The following FGGY variants were observed in gnomAD, a reference collection of about 807,000 sequenced individuals.
FGGY encodes the protein FGGY carbohydrate kinase domain-containing protein.
In FGGY, 72 loss-of-function variants were observed where a neutral mutation model predicts 71.3. That is an observed-to-expected ratio of 1.01 (90% CI 0.84 to 1.23). FGGY has a LOEUF of 1.23. Ranked by LOEUF, FGGY falls within the 50% of genes most tolerant of loss-of-function variation. The pLI, the probability that FGGY is intolerant of heterozygous loss-of-function variation, is 0.00. For missense variants in FGGY, 668 were observed against 682.3 expected (o/e 0.98, Z 0.23); for synonymous variants, 251 against 250.3 (o/e 1.00, Z -0.02).
intron 10 of FGGY, among the ~76,000 whole-genome samples, chr1:59,635,411 A>T (rs866052546): frequency 3.2e-4 from 48 of 152,156 alleles, no homozygotes; most frequent in African/African-American, 1.1e-3. Context: ...GTTTGCAAAG[A>T]CCTGCAGTAA....
chr1:59,411,534 T>G (rs1388340067), intron 5 of FGGY, among the ~76,000 whole-genome samples: 1 of 152,244 alleles, frequency 6.6e-6, no homozygotes, highest in Non-Finnish European at 1.5e-5. Context: ...TAGCAACTAT[T>G]GTAAATTCTT....
chr1:59,364,109 G>A (rs1380610327), intron 4 of FGGY, among the ~76,000 whole-genome samples: 8 of 152,208 alleles, frequency 5.3e-5, no homozygotes, highest in African/African-American at 1.7e-4. Context: ...GGACATCTGT[G>A]TGAGCCAGCT....
At chr1:59,451,040 T>C (rs2072576736) in intron 5 of FGGY, among the ~76,000 whole-genome samples, 1 of 152,102 alleles carries the variant, frequency 6.6e-6, no homozygotes, top group African/African-American at 2.4e-5. Context: ...ATTGACCTTA[T>C]TTGTTCCATC....
chr1:59,707,987 C>T (rs1273297788), intron 14 of FGGY, among the ~76,000 whole-genome samples: 1 of 152,114 alleles, frequency 6.6e-6, no homozygotes, highest in African/African-American at 2.4e-5. Context: ...GTCATCTAGT[C>T]CAATGCATTT....
At chr1:59,378,196 A>AATT (rs143954971) in intron 4 of FGGY, among the ~76,000 whole-genome samples, 1 of 152,208 alleles carries the variant, frequency 6.6e-6, no homozygotes, top group Non-Finnish European at 1.5e-5. Context: ...TTTCATCTTC[A>AATT]ATTGTAGCTC....
chr1:59,339,723 A>G (rs1323418865), intron 2 of FGGY, among the ~76,000 whole-genome samples: 1 of 143,536 alleles, frequency 7.0e-6, no homozygotes, highest in Non-Finnish European at 1.5e-5. Context: ...TCGGCCTCCC[A>G]AAGTGCTGGG....
At chr1:59,299,265 G>A (rs1268349747) in intron 1 of FGGY, among the ~76,000 whole-genome samples, 1 of 152,192 alleles carries the variant, frequency 6.6e-6, no homozygotes, top group African/African-American at 2.4e-5. Context: ...GGATGGCTGT[G>A]CAGGAAAGGA....
chr1:59,593,703 A>C (rs2096485397), intron 8 of FGGY, among the ~76,000 whole-genome samples: 1 of 152,228 alleles, frequency 6.6e-6, no homozygotes, highest in African/African-American at 2.4e-5. Context: ...TGAGGTGCTT[A>C]TCAGAATATC....
rs371162434 is a variant in FGGY at position 59,378,811 on chromosome 1, G to T, written c.528G>T (p.Ser176=). ...GHFFDLPDFL[S]WKATGVTARS... is the part of the protein sequence containing the mutation. Reference sequence around the variant, plus strand: ...TCTTTGATCTCCCGGACTTCTTATCGTGGAAGGCAACAGGTGTCACAGCAC... The same window carrying T: ...TCTTTGATCTCCCGGACTTCTTATCTTGGAAGGCAACAGGTGTCACAGCAC... Residue 176 remains serine (S), a synonymous_variant, in exon 5 of 16, where the codon TCG becomes TCT. Coordinates refer to ENST00000303721, the MANE Select transcript of FGGY (RefSeq NM_018291.5). 1 of 1,613,318 alleles carries T rather than the reference G, an allele frequency of 6.2e-7. No individual in the cohort carries two copies. The highest frequency in any genetic ancestry group is 1.3e-5 in the African/African-American group (1 of 74,880).
chr1:59,761,796 C>T (rs2098342744), intron 15 of FGGY, among the ~76,000 whole-genome samples: 1 of 152,156 alleles, frequency 6.6e-6, no homozygotes, highest in African/African-American at 2.4e-5. Context: ...TAAAGCAGGT[C>T]ACAAGGGAAA....
At chr1:59,312,159 G>C (rs2044461577) in intron 1 of FGGY, among the ~76,000 whole-genome samples, 2 of 152,066 alleles carry the variant, frequency 1.3e-5, no homozygotes, top group African/African-American at 2.4e-5. Flanking sequence ...TTAGTTCTTT[G>C]TCAGATGGGT....
chr1:59,579,759 C>T (rs1287705047), intron 8 of FGGY, among the ~76,000 whole-genome samples: 1 of 152,186 alleles, frequency 6.6e-6, no homozygotes, highest in African/African-American at 2.4e-5. Flanking sequence ...TCTGTTCTCA[C>T]AGCAGCCAGG....
At chr1:59,552,379 T>C (rs975661506) in intron 7 of FGGY, among the ~76,000 whole-genome samples, 5 of 152,208 alleles carry the variant, frequency 3.3e-5, no homozygotes, top group Non-Finnish European at 7.3e-5. Flanking sequence ...ACTACTGTGA[T>C]AACTAACACA....
chr1:59,720,774 C>T lies in FGGY; in HGVS notation c.1513-37157C>T, dbSNP rs564993912. On this transcript the variant is annotated intron_variant, in intron 14 of 15. Coordinates refer to ENST00000303721, the MANE Select transcript of FGGY (RefSeq NM_018291.5). The stretch of plus-strand genomic sequence containing the variant: ...GACTTTTAAAAAAAGGCTGGAATAC[C>T]TAGAATAAACTTTAGGAGGAAGTTT... Among the ~76,000 whole-genome samples, 5 of 152,276 alleles carry T rather than the reference C, an allele frequency of 3.3e-5. No individual in the cohort carries two copies. In the South Asian group the frequency reaches 1.0e-3, roughly 32 times the overall value.
intron 2 of FGGY, among the ~76,000 whole-genome samples, chr1:59,332,223 G>A (rs1280853271): frequency 6.6e-6 from 1 of 152,164 alleles, no homozygotes; most frequent in Non-Finnish European, 1.5e-5. Flanking sequence ...GTTGACAGTT[G>A]TTAGACATGG....
At chr1:59,366,634 C>T (rs2056639781) in intron 4 of FGGY, among the ~76,000 whole-genome samples, 2 of 152,146 alleles carry the variant, frequency 1.3e-5, no homozygotes, top group Admixed American at 1.3e-4. Flanking sequence ...CCTTTGTGTA[C>T]ATCTTTCTCT....
intron 6 of FGGY, among the ~76,000 whole-genome samples, chr1:59,475,782 G>A (rs540047278): frequency 6.6e-6 from 1 of 152,170 alleles, no homozygotes; most frequent in African/African-American, 2.4e-5. Flanking sequence ...TGCTGGATTT[G>A]TGTGCTAGCC....
At chr1:59,370,620 T>G (rs1174336705) in intron 4 of FGGY, among the ~76,000 whole-genome samples, 2 of 151,372 alleles carry the variant, frequency 1.3e-5, no homozygotes, top group Non-Finnish European at 2.9e-5. Context: ...TCACCAAAGT[T>G]GAAATGAAGG....
At chr1:59,529,584 A>T (rs911270524) in intron 7 of FGGY, among the ~76,000 whole-genome samples, 3 of 152,244 alleles carry the variant, frequency 2.0e-5, no homozygotes, top group Admixed American at 2.0e-4. Context: ...GAAATCTATG[A>T]TATCTCTAAG....
Sources: allele counts gnomAD v4.1 joint callset (sites outside exome capture counted in the v4.1 genomes callset), GRCh38; gene constraint gnomAD v4.1.1; transcripts MANE v1.5; gene names NCBI Gene and HGNC (gene_info 2026-07-23, HGNC 2026-07-21).